Variants in NKAIN2 observed in about 807,000 individuals in gnomAD.
NKAIN2 encodes sodium/potassium-transporting ATPase subunit beta-1-interacting protein 2.
NKAIN2 carries 14 observed loss-of-function variants against 32.6 expected under a neutral mutation model. The ratio of observed to expected loss-of-function variants is 0.43; its 90% CI spans 0.28 to 0.67. The LOEUF is 0.67. Among genes scored for constraint, NKAIN2 ranks in the 30% least tolerant of loss-of-function variants. The pLI is 0.17. For missense variants in NKAIN2, 198 were observed against 258.3 expected, an observed-to-expected ratio of 0.77 and a Z score of 1.60; for synonymous variants, 80 against 87.2, an observed-to-expected ratio of 0.92 and a Z score of 0.46.
intron 3 of NKAIN2, among the ~76,000 whole-genome samples, chr6:124,596,661 AGGGTGTGT>A (rs1336923500): frequency 1.2e-5 from 1 of 82,880 alleles, no homozygotes; most frequent in African/African-American, 4.2e-5. Flanking sequence ...AATAAACCAT[AGGGTGTGT>A]GTGTGTGTGT....
chr6:124,058,579 T>G (rs1319711328), intron 1 of NKAIN2, among the ~76,000 whole-genome samples: 1 of 152,048 alleles, frequency 6.6e-6, no homozygotes, highest in Non-Finnish European at 1.5e-5. Context: ...TTGCTTGCCC[T>G]CAATAAATGT....
intron 4 of NKAIN2, among the ~76,000 whole-genome samples, chr6:124,782,230 G>T (rs1415760): frequency 0.91 from 138,971 of 152,096 alleles, 64,025 homozygotes; most frequent in East Asian, 1. Context: ...GAGTTTAACT[G>T]TTTCTTTTTT....
At chr6:124,070,162 C>A (rs1475375251) in intron 1 of NKAIN2, among the ~76,000 whole-genome samples, 2 of 152,160 alleles carry the variant, frequency 1.3e-5, no homozygotes, top group Non-Finnish European at 2.9e-5. Flanking sequence ...ATATTCGCTG[C>A]TTTTCTTCAG....
intron 1 of NKAIN2, among the ~76,000 whole-genome samples, chr6:124,248,007 T>C (rs1793501627): frequency 6.6e-6 from 1 of 152,130 alleles, no homozygotes; most frequent in South Asian, 2.1e-4. Flanking sequence ...CTTCATATCA[T>C]ACCACTCTTT....
At chr6:123,861,349 T>G (rs2114978397) in intron 1 of NKAIN2, among the ~76,000 whole-genome samples, 1 of 152,340 alleles carries the variant, frequency 6.6e-6, no homozygotes, top group Admixed American at 6.5e-5. Context: ...AATATTATAT[T>G]GTCTGTGTGT....
chr6:123,911,808 TATATACACACACACAC>T (rs1159772611), intron 1 of NKAIN2, among the ~76,000 whole-genome samples: 1 of 101,342 alleles, frequency 9.9e-6, no homozygotes, highest in African/African-American at 4.7e-5. Flanking sequence ...TATGTATATA[TATATACACACACACAC>T]ACACACACAC....
chr6:124,427,671 T>A (rs961943932), intron 3 of NKAIN2, among the ~76,000 whole-genome samples: 1 of 152,170 alleles, frequency 6.6e-6, no homozygotes, highest in African/African-American at 2.4e-5. Flanking sequence ...AATGAGTTAA[T>A]CTCTGTAAAC....
At chr6:124,586,154 T>C (rs539564256) in intron 3 of NKAIN2, among the ~76,000 whole-genome samples, 109 of 152,090 alleles carry the variant, frequency 7.2e-4, no homozygotes, top group African/African-American at 2.6e-3. Flanking sequence ...ACTATGGATC[T>C]GTGTTTTTGC....
chr6:124,156,103 TA>T (rs1295181898), intron 1 of NKAIN2, among the ~76,000 whole-genome samples: 1 of 152,054 alleles, frequency 6.6e-6, no homozygotes, highest in African/African-American at 2.4e-5. Flanking sequence ...CATTCTGAGC[TA>T]GGGGTGACTT....
At chr6:124,157,461 G>A (rs141992407) in intron 1 of NKAIN2, among the ~76,000 whole-genome samples, 23 of 152,176 alleles carry the variant, frequency 1.5e-4, no homozygotes, top group African/African-American at 3.6e-4. Flanking sequence ...AAGAGGTAGC[G>A]CTATTGCTTT....
chr6:124,184,518 T>C (rs1403698439), intron 1 of NKAIN2, among the ~76,000 whole-genome samples: 1 of 152,130 alleles, frequency 6.6e-6, no homozygotes, highest in Non-Finnish European at 1.5e-5. Context: ...TTGGTGAAGA[T>C]ATAGCTGGTA....
rs541481924 is a variant in NKAIN2, at chr6:123,966,535, C to T, written c.54+162281C>T. ...TGTAATCCATCACAATGCGTAGATA[C>T]ACTTTGTGCTCAGTAGTTTTAGAAA... On this transcript the variant is annotated intron_variant, in intron 1 of 6. Transcript: ENST00000368417. Among the ~76,000 whole-genome samples, 139 of 152,152 alleles carry T rather than the reference C, an allele frequency of 9.1e-4. 1 individual carries two copies. The highest frequency in any genetic ancestry group is 3.3e-3 in the African/African-American group (135 of 41,524).
intron 3 of NKAIN2, among the ~76,000 whole-genome samples, chr6:124,547,358 G>A (rs1216233792): frequency 6.6e-6 from 1 of 151,640 alleles, no homozygotes; most frequent in African/African-American, 2.4e-5. Flanking sequence ...GTTTTTTGAT[G>A]GAACTAAATA....
intron 1 of NKAIN2, among the ~76,000 whole-genome samples, chr6:124,247,609 T>C (rs1010617225): frequency 1.3e-5 from 2 of 152,254 alleles, no homozygotes; most frequent in African/African-American, 4.8e-5. Flanking sequence ...GGCTCCTCTT[T>C]GCATAGATGC....
chr6:124,222,552 A>G (rs1387322920), intron 1 of NKAIN2, among the ~76,000 whole-genome samples: 1 of 152,174 alleles, frequency 6.6e-6, no homozygotes, highest in Non-Finnish European at 1.5e-5. Context: ...TGAGGCAAGT[A>G]AACACCTAAG....
intron 1 of NKAIN2, among the ~76,000 whole-genome samples, chr6:123,966,416 C>T (rs1166631183): frequency 2.0e-5 from 3 of 152,150 alleles, no homozygotes; most frequent in Non-Finnish European, 4.4e-5. Context: ...CCAATTATTT[C>T]ATGCCCTAAT....
chr6:124,779,992 C>T (rs188547246), intron 4 of NKAIN2, among the ~76,000 whole-genome samples: 9 of 152,216 alleles, frequency 5.9e-5, no homozygotes, highest in Admixed American at 3.3e-4. Flanking sequence ...TGATAGAACG[C>T]CAGTTGAAAA....
At chr6:124,536,214 C>T (rs1428844375) in intron 3 of NKAIN2, among the ~76,000 whole-genome samples, 1 of 152,202 alleles carries the variant, frequency 6.6e-6, no homozygotes, top group African/African-American at 2.4e-5. Context: ...AATGGTTTCT[C>T]TTTAGCAAGG....
At chr6:124,198,062 T>C (rs1021001025) in intron 1 of NKAIN2, among the ~76,000 whole-genome samples, 1 of 152,046 alleles carries the variant, frequency 6.6e-6, no homozygotes, top group African/African-American at 2.4e-5. Context: ...CATTGCTGTA[T>C]GTACTTGTTG....
Sources: gnomAD v4.1 joint callset for allele counts (sites outside exome capture counted in the v4.1 genomes callset) on GRCh38, gnomAD v4.1.1 for gene constraint, MANE v1.5 for transcripts, NCBI Gene and HGNC (gene_info 2026-07-23, HGNC 2026-07-21) for gene names.